Variants in ARHGAP39 observed in about 807,000 individuals in gnomAD.
ARHGAP39 encodes the protein Rho GTPase activating protein 39.
ARHGAP39 carries 44 observed loss-of-function variants against 106.9 expected under a neutral mutation model. The ratio of observed to expected loss-of-function variants is 0.41; its 90% CI spans 0.32 to 0.53. The LOEUF (loss-of-function observed/expected upper bound fraction) is 0.53. ARHGAP39 is among the 20% of genes least tolerant of loss of function. The pLI, the probability that ARHGAP39 is intolerant of heterozygous loss-of-function variation, is 0.21. For synonymous variants in ARHGAP39, 768 were observed against 693.2 expected, an observed-to-expected ratio of 1.11 and a Z score of -1.69; for missense variants, 1,496 against 1,577.3, an observed-to-expected ratio of 0.95 and a Z score of 0.87.
chr8:144,635,220 G>A lies in ARHGAP39; in HGVS notation c.-81-29525C>T, dbSNP rs115914278. ...TAGGTCACCAGAAAGACCAACGCAC[G>A]ATTAGAGGGGTGGAATTTTCAGCTG... On this transcript the variant is annotated intron_variant, in intron 1 of 11. Coordinates refer to ENST00000377307, the MANE Select transcript of ARHGAP39 (RefSeq NM_025251.3). Among the ~76,000 whole-genome samples the A allele has an allele frequency of 9.8e-3, 1,497 of 152,334 alleles. 24 individuals are homozygous for A. Among genetic ancestry groups the A allele is most frequent in the African/African-American group, 0.034 (1,426 of 41,566 alleles).
chr8:144,534,279 C>T (rs1816863222), intron 7 of ARHGAP39, 77 bp from the exon 8 acceptor site: 1 of 1,540,084 alleles, frequency 6.5e-7, no homozygotes, highest in South Asian at 1.1e-5. Flanking sequence ...GCAGACACAG[C>T]TCCTTCGAGG....
chr8:144,600,818 T>G (rs1159337769), intron 2 of ARHGAP39, among the ~76,000 whole-genome samples: 5 of 151,120 alleles, frequency 3.3e-5, no homozygotes, highest in African/African-American at 1.2e-4. Flanking sequence ...TGCGCGTGTG[T>G]GTGCGTGGAG....
chr8:144,575,589 C>G (rs563880385), intron 3 of ARHGAP39, among the ~76,000 whole-genome samples: 1 of 152,278 alleles, frequency 6.6e-6, no homozygotes, highest in Non-Finnish European at 1.5e-5. Context: ...GAAAGCAACA[C>G]ACGTGGAGCC....
chr8:144,545,324 G>A lies in ARHGAP39; in HGVS notation c.2446C>T (p.Pro816Ser). 6.3e-7 allele frequency: 1 copy of A among 1,595,820 alleles called. No homozygotes were observed. The highest frequency in any genetic ancestry group is 8.6e-7 in the Non-Finnish European group (1 of 1,167,778). Residue 816 changes from proline to serine, a missense_variant, in exon 6 of 12, where the codon CCG (proline) becomes TCG (serine). Pro to Ser is a moderately conservative substitution (Grantham distance 74). Around this residue, in one of 4 missense-constraint regions of ARHGAP39, gnomAD observed 470 missense variants for 605.1 expected, o/e 0.78. Transcript: ENST00000377307. ...ELMAICLAFF[P>S]PTPKFHSYLE... Reference sequence around the variant, plus strand: ...TAGGAGTGGAACTTGGGGGTGGGCGGGAAAAAGGCCAGGCAGATGGCCATG... The same window carrying A: ...TAGGAGTGGAACTTGGGGGTGGGCGAGAAAAAGGCCAGGCAGATGGCCATG...
At chr8:144,562,780 G>A (rs965497028) in intron 3 of ARHGAP39, among the ~76,000 whole-genome samples, 12 of 144,806 alleles carry the variant, frequency 8.3e-5, no homozygotes, top group Non-Finnish European at 1.3e-4. Flanking sequence ...GGTTTCCATC[G>A]GACTCACTCC....
chr8:144,619,613 CGTGT>C (rs933146155), intron 1 of ARHGAP39, among the ~76,000 whole-genome samples: 2 of 142,746 alleles, frequency 1.4e-5, no homozygotes, highest in Non-Finnish European at 3.0e-5. Context: ...CGTGCATGTC[CGTGT>C]GTGAGCCTGT....
At chr8:144,620,086 G>C (rs1820756220) in intron 1 of ARHGAP39, among the ~76,000 whole-genome samples, 1 of 131,904 alleles carries the variant, frequency 7.6e-6, no homozygotes, top group African/African-American at 2.9e-5. Context: ...GCCCGAGTGT[G>C]CGTTGAGCCT....
In ARHGAP39 at chr8:144,605,047, G is replaced by A. The variant is rs369845173; in HGVS notation, c.80+488C>T. ...GAGGCCTCGGCCTCCCAAAAGGATC[G>A]CTTGAGCCCAGGAGTTTGAGACCAG... On this transcript the variant is annotated intron_variant, in intron 2 of 11. Transcript: ENST00000377307. Among the ~76,000 whole-genome samples the A allele has an allele frequency of 5.7e-4, 87 of 152,256 alleles. No individual in the cohort carries two copies. In the East Asian group the frequency reaches 6.8e-3, roughly 12 times the overall value.
rs1816632555 is a variant in ARHGAP39, at chr8:144,530,421, G to A, written c.*1C>T. On this transcript the variant is annotated 3_prime_UTR_variant, in exon 12 of 12. Transcript: ENST00000377307. ...ATCCCTCCTGTCCCCGGGCGCCCCC[G>A]CTACAGCACACCCTCCATGAAGCTG... 1.1e-5 allele frequency: 17 copies of A among 1,594,662 alleles called. No homozygotes were observed. Among genetic ancestry groups the A allele is most frequent in the East Asian group, 4.5e-5 (2 of 43,974 alleles).
At chr8:144,549,236 T>C (rs1276850216) in intron 4 of ARHGAP39, among the ~76,000 whole-genome samples, 1 of 152,236 alleles carries the variant, frequency 6.6e-6, no homozygotes, top group African/African-American at 2.4e-5. Flanking sequence ...CGGCCCAAGG[T>C]GGGCACTGGT....
intron 1 of ARHGAP39, among the ~76,000 whole-genome samples, chr8:144,669,917 G>C (rs1563731582): frequency 6.6e-6 from 1 of 152,316 alleles, no homozygotes; most frequent in East Asian, 1.9e-4. Context: ...TATCGCTGTG[G>C]AAACGTAGGA....
At chr8:144,631,773 C>A (rs1471679423) in intron 1 of ARHGAP39, among the ~76,000 whole-genome samples, 1 of 152,268 alleles carries the variant, frequency 6.6e-6, no homozygotes, top group Admixed American at 6.5e-5. Context: ...GAACTTCCAG[C>A]TTCACCTCGG....
upstream of ARHGAP39, among the ~76,000 whole-genome samples, chr8:144,690,392 C>T (rs1822719278): frequency 6.6e-6 from 1 of 152,180 alleles, no homozygotes; most frequent in African/African-American, 2.4e-5. Flanking sequence ...AGGCGTGAGC[C>T]ACTGCAAAAT....
chr8:144,595,070 AC>A (rs1422478538), intron 2 of ARHGAP39, among the ~76,000 whole-genome samples: 1 of 152,230 alleles, frequency 6.6e-6, no homozygotes, highest in Non-Finnish European at 1.5e-5. Context: ...TTACCACCTG[AC>A]CCAGCAATTC....
chr8:144,573,497 C>T (rs142735017), intron 3 of ARHGAP39, among the ~76,000 whole-genome samples: 2,866 of 152,174 alleles, frequency 0.019, 87 homozygotes, highest in African/African-American at 0.066. Context: ...AGGAGAAATA[C>T]CTAATGTAAA....
intron 1 of ARHGAP39, among the ~76,000 whole-genome samples, chr8:144,662,172 T>G (rs1396509206): frequency 6.6e-6 from 1 of 150,532 alleles, no homozygotes; most frequent in Non-Finnish European, 1.5e-5. Flanking sequence ...CTCCCCATTA[T>G]CCACCTTGGA....
At chr8:144,621,275 G>C (rs1820800780) in intron 1 of ARHGAP39, among the ~76,000 whole-genome samples, 1 of 152,290 alleles carries the variant, frequency 6.6e-6, no homozygotes, top group Admixed American at 6.5e-5. Context: ...TCCCTGATGA[G>C]GGCTCTGGGC....
chr8:144,611,534 G>A (rs890798641), intron 1 of ARHGAP39, among the ~76,000 whole-genome samples: 1 of 152,144 alleles, frequency 6.6e-6, no homozygotes, highest in African/African-American at 2.4e-5. Flanking sequence ...GTTATTAGGT[G>A]CATACACATT....
At chr8:144,668,566 C>T (rs554946772) in intron 1 of ARHGAP39, among the ~76,000 whole-genome samples, 2 of 152,044 alleles carry the variant, frequency 1.3e-5, no homozygotes, top group East Asian at 1.9e-4. Flanking sequence ...TTTAGAATAA[C>T]ATCAGAAGGA....
Sources: gnomAD v4.1 joint callset for allele counts (sites outside exome capture counted in the v4.1 genomes callset) on GRCh38, gnomAD v4.1.1 for gene constraint, gnomAD v4.1.1 regional missense constraint, MANE v1.5 for transcripts, NCBI Gene and HGNC (gene_info 2026-07-23, HGNC 2026-07-21) for gene names.